Variants in MACF1 observed in about 807,000 individuals in gnomAD.
The protein encoded by MACF1 is microtubule-actin cross-linking factor 1.
Under a neutral mutation model 854.8 loss-of-function variants are expected in MACF1, and 193 were observed. The observed-to-expected ratio is 0.23, with a 90% CI of 0.20 to 0.25. MACF1 has a LOEUF of 0.25. Among genes scored for constraint, MACF1 ranks in the 10% least tolerant of loss-of-function variants. MACF1 has a pLI of 1.00. For missense variants in MACF1, 7,722 were observed against 8,929.1 expected (o/e 0.86, Z 5.45); for synonymous variants, 3,185 against 3,226.7 (o/e 0.99, Z 0.44).
At position 39,310,939 on chromosome 1, in the gene MACF1, C is replaced by G. The variant is rs1571315539; in HGVS notation, c.3209C>G (p.Ala1070Gly). Reference sequence around the variant, plus strand: ...GTGGTCAAACGAATTCAGTCTCTAGCCAGCTCTAGGACTGACAGAGATGCC... The same window carrying G: ...GTGGTCAAACGAATTCAGTCTCTAGGCAGCTCTAGGACTGACAGAGATGCC... ...QRVVKRIQSL[A>G]SSRTDRDAWQ... The change falls in exon 26 of 101, where the codon GCC (alanine) becomes GGC (glycine). Residue 1070 changes from alanine (A) to glycine (G), a missense_variant. By Grantham distance (60) the Ala-to-Gly change is moderately conservative (BLOSUM62 0). Coordinates refer to ENST00000564288, the MANE Select transcript of MACF1 (RefSeq NM_001394062.1). 1 of 1,614,160 alleles carries G rather than the reference C, an allele frequency of 6.2e-7. No homozygotes were observed. The highest frequency in any genetic ancestry group is 8.5e-7 in the Non-Finnish European group (1 of 1,180,012).
At chr1:39,206,284 C>T (rs976762090) in intron 1 of MACF1, among the ~76,000 whole-genome samples, 3 of 152,238 alleles carry the variant, frequency 2.0e-5, no homozygotes, top group Middle Eastern at 3.4e-3. Flanking sequence ...TTAAAAAAGC[C>T]ACCTCAAAGT....
intron 89 of MACF1, chr1:39,456,937 G>C (rs1644452417): frequency 6.6e-6 from 1 of 152,156 alleles, no homozygotes; most frequent in Admixed American, 6.5e-5. Flanking sequence ...TTTGACTTCT[G>C]TGTCCTTTAA....
rs766239643 is a variant in MACF1, at chr1:39,336,343, C to G, written c.9755C>G (p.Ala3252Gly). ...MANPNVAGLE[A>G]GSIEDIVTQR... The stretch of plus-strand genomic sequence containing the variant: ...AACCCTAATGTTGCAGGTCTAGAAG[C>G]AGGATCCATTGAGGACATAGTGACT... The change falls in exon 37 of 101, where the codon GCA becomes GGA. Residue 3252 changes from alanine to glycine, a missense_variant. Physicochemically the swap from Ala to Gly is moderately conservative, Grantham distance 60 (BLOSUM62 0). This residue lies in a region of MACF1 where 854 missense variants were observed against 852.6 expected (regional missense o/e 1.00). Transcript: ENST00000564288. 3 of 1,614,024 alleles carry G rather than the reference C, an allele frequency of 1.9e-6. No homozygotes were observed. Among genetic ancestry groups the G allele is most frequent in the Non-Finnish European group, 2.5e-6 (3 of 1,180,020 alleles).
At position 39,307,575 on chromosome 1, in the gene MACF1, G is replaced by T. The variant is rs149348238; in HGVS notation, c.2790-1995G>T. ...GAGAAGTTTTTTCTTGGATGATGAT[G>T]ATTATTATTATTATTTTGAGACAGT... is the stretch of plus-strand genomic sequence containing the variant. On this transcript the variant is annotated intron_variant, in intron 23 of 100. Transcript: ENST00000564288. 1.9e-3 allele frequency among the ~76,000 whole-genome samples: 293 copies of T among 152,022 alleles called. 1 individual carries two copies. Among genetic ancestry groups the T allele is most frequent in the African/African-American group, 6.0e-3 (247 of 41,484 alleles).
intron 55 of MACF1, 86 bp from the exon 56 acceptor site, chr1:39,381,867 C>A: frequency 1.1e-6 from 1 of 914,110 alleles, no homozygotes. Context: ...GGGGTCATTT[C>A]CTGCAGTATA....
rs144780625 is a variant in MACF1, at chr1:39,336,413, G to T, written c.9825G>T (p.Leu3275=). The T allele has an allele frequency of 1.3e-5, 21 of 1,614,048 alleles. No homozygotes were observed. Among genetic ancestry groups the T allele is most frequent in the African/African-American group, 4.0e-5 (3 of 74,922 alleles). ...TGGGATCCTTTCTTCCAGAGAAACT[G>T]TTCAAAGGAGTGTCTCAAAAAGAGA... ...RVLGSFLPEK[L]FKGVSQKENT... is the part of the protein sequence containing the mutation. Residue 3275 remains leucine (L), a synonymous_variant, in exon 37 of 101, where the codon CTG becomes CTT. Coordinates refer to ENST00000564288, the MANE Select transcript of MACF1 (RefSeq NM_001394062.1).
At chr1:39,107,525 A>G (rs539306520) in intron 2 of MACF1, among the ~76,000 whole-genome samples, 1 of 152,180 alleles carries the variant, frequency 6.6e-6, no homozygotes, top group East Asian at 1.9e-4. Context: ...GTGCAGAACA[A>G]TCTCTCTTCC....
Position 39,485,812 on chromosome 1 carries a change from C to T in MACF1, c.*18C>T, listed in dbSNP as rs200755289. The T allele has an allele frequency of 1.6e-5, 24 of 1,539,360 alleles. No homozygotes were observed. The South Asian group carries it at 2.9e-4, about 19-fold the overall frequency. ...AGCGATAACACTGTCTAAGCACCCC[C>T]AAGCCACTATCCACTTTGAATCCTG... On this transcript the variant is annotated 3_prime_UTR_variant, in exon 101 of 101. Coordinates refer to ENST00000564288, the MANE Select transcript of MACF1 (RefSeq NM_001394062.1).
rs777911763 is a variant in MACF1, at chr1:39,379,262, G to A, written c.13336G>A (p.Gly4446Arg). 1.2e-6 allele frequency: 2 copies of A among 1,613,002 alleles called. No homozygotes were observed. Among genetic ancestry groups the A allele is most frequent in the South Asian group, 1.1e-5 (1 of 90,948 alleles). ...AAACTTGAAGTATGAGAAACTAGGG[G>A]GAGTACTTCATGAACGCCAGGAAAG... ...DVNLKYEKLG[G>R]VLHERQESLQ... Residue 4446 changes from glycine (G) to arginine (R), a missense_variant, in exon 54 of 101, where the codon GGA becomes AGA. Physicochemically the swap from Gly to Arg is moderately radical, Grantham distance 125 (BLOSUM62 -2). This residue lies in a region of MACF1 where 2,807 missense variants were observed against 3,235.8 expected (regional missense o/e 0.87). Transcript: ENST00000564288.
At chr1:39,298,943 C>T (rs532892385) in intron 21 of MACF1, among the ~76,000 whole-genome samples, 3 of 152,138 alleles carry the variant, frequency 2.0e-5, no homozygotes, top group African/African-American at 4.8e-5. Context: ...TCAGGGTCAT[C>T]GGGTTGGCGG....
At chr1:39,219,667 C>T (rs1378064853) in intron 1 of MACF1, among the ~76,000 whole-genome samples, 1 of 152,112 alleles carries the variant, frequency 6.6e-6, no homozygotes, top group African/African-American at 2.4e-5. Context: ...GTTCAAAATC[C>T]CCAGGATCAA....
At chr1:39,303,474 A>G (rs543848408) in intron 23 of MACF1, among the ~76,000 whole-genome samples, 66 of 151,810 alleles carry the variant, frequency 4.3e-4, no homozygotes, top group African/African-American at 1.3e-3. Context: ...TTGCTTGACC[A>G]AGGAGGCGGA....
In MACF1 at chr1:39,217,015, G is replaced by A. The variant is rs11205785; in HGVS notation, c.109+11884G>A. On this transcript the variant is annotated intron_variant, in intron 1 of 100. Transcript: ENST00000564288. ...ACATTGCTTAACCTTTCTCTAGCTC[G>A]GTTACCTCATTTTTTATTTTTCTTT... Among the ~76,000 whole-genome samples the A allele has an allele frequency of 9.4e-3, 1,422 of 152,032 alleles. 27 individuals carry two copies. The highest frequency in any genetic ancestry group is 0.033 in the African/African-American group (1,350 of 41,440).
chr1:39,390,571 C>T (rs911978878), intron 58 of MACF1, among the ~76,000 whole-genome samples: 1 of 152,190 alleles, frequency 6.6e-6, no homozygotes, highest in Admixed American at 6.5e-5. Context: ...AAAACGTAAA[C>T]CCGTGAAGCA....
At chr1:39,315,819 G>C in intron 27 of MACF1, 128 bp downstream of exon 27, 1 of 908,030 alleles carries the variant, frequency 1.1e-6, no homozygotes, top group South Asian at 2.1e-5. Context: ...CTGATAATGA[G>C]AGGTCTTGGC....
At chr1:39,234,799 G>A (rs1231927431) in intron 2 of MACF1, among the ~76,000 whole-genome samples, 1 of 99,048 alleles carries the variant, frequency 1.0e-5, no homozygotes, top group East Asian at 3.3e-4. Context: ...CGGGGCGGCC[G>A]GGCAGAGATG....
chr1:39,306,558 C>G (rs1019409762), intron 23 of MACF1, among the ~76,000 whole-genome samples: 1 of 151,510 alleles, frequency 6.6e-6, no homozygotes, highest in East Asian at 1.9e-4. Flanking sequence ...GGCCAAACAC[C>G]ACAGGCAATT....
intron 2 of MACF1, among the ~76,000 whole-genome samples, chr1:39,179,138 C>T (rs550088757): frequency 1.3e-5 from 2 of 152,266 alleles, no homozygotes; most frequent in Admixed American, 1.3e-4. Flanking sequence ...GGCTGCCTGC[C>T]CTTATTCAAT....
chr1:39,459,615 G>C (rs764121079), intron 91 of MACF1, among the ~76,000 whole-genome samples: 1 of 152,166 alleles, frequency 6.6e-6, no homozygotes. Flanking sequence ...CCCTTGTTGA[G>C]CCTTTCATGT....
Sources: gnomAD v4.1 joint callset for allele counts (sites outside exome capture counted in the v4.1 genomes callset) on GRCh38, gnomAD v4.1.1 for gene constraint, gnomAD v4.1.1 regional missense constraint, MANE v1.5 for transcripts, NCBI Gene and HGNC (gene_info 2026-07-23, HGNC 2026-07-21) for gene names.